LSAMP: variants seen among roughly 807,000 people sequenced by gnomAD.
The protein encoded by LSAMP is limbic system associated membrane protein, also known as limbic system-associated membrane protein.
A neutral mutation model predicts 38.6 loss-of-function variants in LSAMP; 7 were observed. The ratio of observed to expected loss-of-function variants is 0.18; its 90% CI spans 0.10 to 0.34. The LOEUF (loss-of-function observed/expected upper bound fraction) is 0.34. LSAMP is among the 10% of genes least tolerant of loss of function. LSAMP has a pLI of 1.00. For missense variants in LSAMP, 313 were observed against 420.0 expected (o/e 0.75, Z 2.23); for synonymous variants, 154 against 166.8 (o/e 0.92, Z 0.59).
At chr3:115,954,448 G>A (rs1444177639) in intron 3 of LSAMP, among the ~76,000 whole-genome samples, 2 of 152,198 alleles carry the variant, frequency 1.3e-5, no homozygotes, top group African/African-American at 4.8e-5. Context: ...GAAAAATTAA[G>A]TTCTGAATTT....
chr3:115,885,572 A>C (rs1309443489), intron 3 of LSAMP, among the ~76,000 whole-genome samples: 1 of 137,724 alleles, frequency 7.3e-6, no homozygotes, highest in Non-Finnish European at 1.5e-5. Context: ...CAGAATCCAG[A>C]CTGGATTCAT....
intron 3 of LSAMP, among the ~76,000 whole-genome samples, chr3:115,992,114 T>C (rs1939686947): frequency 6.6e-6 from 1 of 152,086 alleles, no homozygotes; most frequent in Admixed American, 6.6e-5. Flanking sequence ...CACATACATT[T>C]TGTATAAAAT....
intron 2 of LSAMP, among the ~76,000 whole-genome samples, chr3:116,056,117 T>C (rs1419232877): frequency 1.3e-5 from 2 of 152,240 alleles, no homozygotes; most frequent in Non-Finnish European, 2.9e-5. Context: ...ATATTAATTT[T>C]ATTTATTCAT....
intron 1 of LSAMP, among the ~76,000 whole-genome samples, chr3:116,138,814 G>A (rs1005948468): frequency 5.2e-5 from 7 of 133,794 alleles, no homozygotes; most frequent in East Asian, 2.4e-4. Flanking sequence ...CTTACCTTAC[G>A]TAAATTGACT....
chr3:115,962,699 A>C (rs933739141), intron 3 of LSAMP, among the ~76,000 whole-genome samples: 2 of 152,246 alleles, frequency 1.3e-5, no homozygotes. Context: ...AAATTGTGCC[A>C]AAGTGAGTAG....
intron 3 of LSAMP, among the ~76,000 whole-genome samples, chr3:116,000,415 A>G (rs745532274): frequency 1.6e-4 from 25 of 152,212 alleles, no homozygotes; most frequent in Admixed American, 3.9e-4. Flanking sequence ...TCCATGGCAG[A>G]CTATGTGACT....
At chr3:116,045,655 C>A (rs1354392859) in intron 2 of LSAMP, among the ~76,000 whole-genome samples, 1 of 150,692 alleles carries the variant, frequency 6.6e-6, no homozygotes. Context: ...AGTGAGAATT[C>A]TTCATAAGTT....
chr3:116,116,578 G>A lies in LSAMP; in HGVS notation c.156-30022C>T, dbSNP rs189350376. ...ACAAAATACAAAAAACTAGCTGGGC[G>A]TGGTGGTGCATGCCTGTATTCCCAG... On this transcript the variant is annotated intron_variant, in intron 1 of 6. Transcript: ENST00000490035. Among the ~76,000 whole-genome samples the A allele has an allele frequency of 2.3e-3, 352 of 151,236 alleles. 1 individual carries two copies. The highest frequency in any genetic ancestry group is 4.0e-3 in the Non-Finnish European group (273 of 67,826).
chr3:116,394,732 T>C (rs2048745997), intron 1 of LSAMP, among the ~76,000 whole-genome samples: 1 of 152,208 alleles, frequency 6.6e-6, no homozygotes, highest in Non-Finnish European at 1.5e-5. Flanking sequence ...CCTTGCCCCA[T>C]TCCTGCTTCC....
chr3:116,153,070 C>T (rs1428510196), intron 1 of LSAMP, among the ~76,000 whole-genome samples: 1 of 151,962 alleles, frequency 6.6e-6, no homozygotes, highest in Non-Finnish European at 1.5e-5. Flanking sequence ...CTCTTATCCT[C>T]TCAAAAATAT....
At chr3:115,989,363 G>T (rs9818426) in intron 3 of LSAMP, among the ~76,000 whole-genome samples, 2 of 151,954 alleles carry the variant, frequency 1.3e-5, no homozygotes, top group Non-Finnish European at 2.9e-5. Flanking sequence ...TTAGTATTCC[G>T]TAAATAGTAC....
chr3:116,073,886 G>C (rs1186193812), intron 2 of LSAMP, among the ~76,000 whole-genome samples: 1 of 152,122 alleles, frequency 6.6e-6, no homozygotes, highest in African/African-American at 2.4e-5. Flanking sequence ...ATGTAGAAAA[G>C]GAAATCATTG....
At chr3:116,034,058 CG>C (rs1012896462) in intron 2 of LSAMP, among the ~76,000 whole-genome samples, 2 of 151,880 alleles carry the variant, frequency 1.3e-5, no homozygotes, top group African/African-American at 4.8e-5. Flanking sequence ...GGAAAGTGAG[CG>C]GCTCCCACTG....
At chr3:116,192,984 C>T (rs1257917949) in intron 1 of LSAMP, among the ~76,000 whole-genome samples, 1 of 152,202 alleles carries the variant, frequency 6.6e-6, no homozygotes, top group Non-Finnish European at 1.5e-5. Context: ...TTGCCAACAA[C>T]TGCACTGTAA....
intron 1 of LSAMP, among the ~76,000 whole-genome samples, chr3:116,237,828 A>G (rs1199692233): frequency 6.6e-6 from 1 of 152,208 alleles, no homozygotes; most frequent in African/African-American, 2.4e-5. Flanking sequence ...GTTCTCATGC[A>G]TATTTTAGAA....
intron 4 of LSAMP, among the ~76,000 whole-genome samples, chr3:115,844,782 GC>G (rs1413396977): frequency 6.6e-6 from 1 of 152,134 alleles, no homozygotes; most frequent in African/African-American, 2.4e-5. Context: ...TTTGAGACCA[GC>G]CTGGCCAACA....
In LSAMP at chr3:115,937,654, A is replaced by AG. The variant is rs201776321; in HGVS notation, c.514+81860_514+81861insC. On this transcript the variant is annotated intron_variant, in intron 3 of 6. Coordinates refer to ENST00000490035, the MANE Select transcript of LSAMP (RefSeq NM_002338.5). ...GACCCTGTCTAAATAAGAAAAGAAAAAAAAAAAAGAAATGTTTTGCATTAT... is the reference window on the plus strand; with the variant it reads ...GACCCTGTCTAAATAAGAAAAGAAAAGAAAAAAAAGAAATGTTTTGCATTAT... Among the ~76,000 whole-genome samples, 458 of 151,470 alleles carry AG rather than the reference A, an allele frequency of 3.0e-3. 23 individuals are homozygous for AG. In the East Asian group the frequency reaches 0.066, roughly 22 times the overall value.
At chr3:116,097,515 A>AATTCAG (rs1708250490) in intron 1 of LSAMP, among the ~76,000 whole-genome samples, 5 of 152,214 alleles carry the variant, frequency 3.3e-5, no homozygotes, top group African/African-American at 7.2e-5. Flanking sequence ...ATTCAGATCA[A>AATTCAG]ATTATGCCAA....
At chr3:116,151,747 G>C (rs1709617099) in intron 1 of LSAMP, among the ~76,000 whole-genome samples, 1 of 151,976 alleles carries the variant, frequency 6.6e-6, no homozygotes, top group Non-Finnish European at 1.5e-5. Context: ...CAAAGGAGCA[G>C]GTCCTCAACT....
Sources: gnomAD v4.1 joint callset for allele counts (sites outside exome capture counted in the v4.1 genomes callset) on GRCh38, gnomAD v4.1.1 for gene constraint, MANE v1.5 for transcripts, NCBI Gene and HGNC (gene_info 2026-07-23, HGNC 2026-07-21) for gene names.